The following MYO5A variants were observed in gnomAD, a reference collection of about 807,000 sequenced individuals.
MYO5A encodes unconventional myosin-Va.
In MYO5A, 98 loss-of-function variants were observed where a neutral mutation model predicts 249.7. That is an observed-to-expected ratio of 0.39 (90% CI 0.33 to 0.46). The LOEUF (loss-of-function observed/expected upper bound fraction) is 0.46, where lower values mean the gene tolerates loss of function less well. Ranked by LOEUF, MYO5A falls within the 20% of genes least tolerant of loss-of-function variation. The pLI is 0.98. For synonymous variants in MYO5A, 778 were observed against 810.6 expected (o/e 0.96, Z 0.68); for missense variants, 1,696 against 2,308.8 (o/e 0.73, Z 5.44).
chr15:52,431,250 T>C (rs1457057829), intron 2 of MYO5A, among the ~76,000 whole-genome samples: 1 of 9,876 alleles, frequency 1.0e-4, no homozygotes, highest in Non-Finnish European at 3.3e-4. Flanking sequence ...AAAAAAAGTC[T>C]AGTGCAGTAG....
intron 2 of MYO5A, among the ~76,000 whole-genome samples, chr15:52,429,544 C>A (rs1028899377): frequency 6.6e-6 from 1 of 151,766 alleles, no homozygotes; most frequent in African/African-American, 2.4e-5. Flanking sequence ...CAAAAATTAT[C>A]CAGGCGTGGT....
chr15:52,422,076 G>C (rs1032696587), intron 4 of MYO5A, among the ~76,000 whole-genome samples: 19 of 152,114 alleles, frequency 1.2e-4, no homozygotes, highest in African/African-American at 4.3e-4. Flanking sequence ...GAAAAGACTG[G>C]CAAGAATGTC....
intron 1 of MYO5A, among the ~76,000 whole-genome samples, chr15:52,482,030 A>C (rs1377667108): frequency 2.0e-5 from 3 of 152,196 alleles, no homozygotes; most frequent in African/African-American, 7.2e-5. Flanking sequence ...TGATAACTGG[A>C]GACTCAGGCA....
At chr15:52,339,529 A>C (rs1243969900) in intron 32 of MYO5A, among the ~76,000 whole-genome samples, 3 of 151,994 alleles carry the variant, frequency 2.0e-5, no homozygotes, top group Admixed American at 2.0e-4. Context: ...AAAAGAAAAA[A>C]AAAAAGGAAC....
intron 34 of MYO5A, among the ~76,000 whole-genome samples, chr15:52,332,025 A>G (rs2038910765): frequency 6.6e-6 from 1 of 152,208 alleles, no homozygotes; most frequent in Non-Finnish European, 1.5e-5. Flanking sequence ...TAAACACAAC[A>G]CCACAAGGAC....
At chr15:52,418,210 T>C (rs938252423) in intron 4 of MYO5A, among the ~76,000 whole-genome samples, 45 of 152,196 alleles carry the variant, frequency 3.0e-4, no homozygotes, top group African/African-American at 1.1e-3. Flanking sequence ...TGGCCAGTCC[T>C]TTCAAGGGCC....
chr15:52,384,172 C>A lies in MYO5A; in HGVS notation c.1903G>T (p.Val635Leu). ...CTCCCTGAACTCACCTGATGCCCCACTGTTTTCTTGTGCTCTTTGGCCATT... is the reference window on the plus strand; with the variant it reads ...CTCCCTGAACTCACCTGATGCCCCAATGTTTTCTTGTGCTCTTTGGCCATT... Reference protein sequence around the residue: ...GQMAKEHKKTVGHQFRNSLHL... With the variant: ...GQMAKEHKKTLGHQFRNSLHL... Residue 635 changes from valine to leucine, a missense_variant, in exon 15 of 42, where the codon GTG (valine) becomes TTG (leucine). Transcript: ENST00000399233. 1.2e-6 allele frequency: 2 copies of A among 1,614,176 alleles called. No individual in the cohort carries two copies. Among genetic ancestry groups the A allele is most frequent in the Non-Finnish European group, 1.7e-6 (2 of 1,180,008 alleles).
At chr15:52,501,462 G>T (rs551581299) in intron 1 of MYO5A, among the ~76,000 whole-genome samples, 2 of 152,022 alleles carry the variant, frequency 1.3e-5, no homozygotes, top group Non-Finnish European at 2.9e-5. Context: ...TTAGCTGGGC[G>T]TGGTGGTGTG....
chr15:52,443,079 T>C (rs1367635253), intron 1 of MYO5A, among the ~76,000 whole-genome samples: 1 of 152,034 alleles, frequency 6.6e-6, no homozygotes, highest in Admixed American at 6.6e-5. Context: ...ATGAAGGAAT[T>C]CCCCTCCTCC....
chr15:52,339,734 T>C (rs1286347789), intron 32 of MYO5A, among the ~76,000 whole-genome samples: 1 of 152,218 alleles, frequency 6.6e-6, no homozygotes, highest in Non-Finnish European at 1.5e-5. Flanking sequence ...GGCTTAGTTT[T>C]GCCAACCGCC....
chr15:52,426,901 G>C (rs896507131), intron 3 of MYO5A, among the ~76,000 whole-genome samples: 4 of 151,880 alleles, frequency 2.6e-5, no homozygotes, highest in African/African-American at 9.7e-5. Flanking sequence ...AAAAAATAAT[G>C]CAGGGAAGAA....
chr15:52,330,350 T>C lies in MYO5A; in HGVS notation c.4555+3A>G. 1 of 1,614,088 alleles carries C rather than the reference T, an allele frequency of 6.2e-7. No individual in the cohort carries two copies. Among genetic ancestry groups the C allele is most frequent in the East Asian group, 2.2e-5 (1 of 44,880 alleles). On this transcript the variant is annotated splice_donor_region_variant and intron_variant, in intron 35 of 41. Coordinates refer to ENST00000399233, the MANE Select transcript of MYO5A (RefSeq NM_001382347.1). ...ACTTTTATCCAATGCAGAAAATACT[T>C]GCCCAGAATCAGGTTCTTAACAAGT...
intron 1 of MYO5A, among the ~76,000 whole-genome samples, chr15:52,522,089 G>A (rs920365114): frequency 6.6e-6 from 1 of 151,996 alleles, no homozygotes; most frequent in Non-Finnish European, 1.5e-5. Context: ...CTATTGGTTG[G>A]GCTAAGGTGG....
chr15:52,433,392 T>C, intron 1 of MYO5A, 107 bp from the exon 2 acceptor site: 4 of 494,488 alleles, frequency 8.1e-6, no homozygotes, highest in Non-Finnish European at 7.5e-6. Flanking sequence ...AAAAAAGAAA[T>C]CTTGGCCAAC....
At chr15:52,423,989 T>C (rs866075121) in intron 4 of MYO5A, among the ~76,000 whole-genome samples, 1 of 152,250 alleles carries the variant, frequency 6.6e-6, no homozygotes, top group Non-Finnish European at 1.5e-5. Flanking sequence ...CTGAGCACTA[T>C]ATAATTTTCA....
At chr15:52,320,940 G>A (rs1377706860) in intron 38 of MYO5A, among the ~76,000 whole-genome samples, 5 of 151,846 alleles carry the variant, frequency 3.3e-5, no homozygotes, top group African/African-American at 9.7e-5. Flanking sequence ...GTGAACCCGG[G>A]AGGCAGAGCT....
At chr15:52,449,031 C>T (rs2075959676) in intron 1 of MYO5A, among the ~76,000 whole-genome samples, 2 of 126,314 alleles carry the variant, frequency 1.6e-5, no homozygotes, top group South Asian at 2.8e-4. Flanking sequence ...TGCAATGGCA[C>T]AATCTCGGCT....
intron 31 of MYO5A, among the ~76,000 whole-genome samples, 192 bp from the exon 32 acceptor site, chr15:52,340,586 G>T (rs2039331710): frequency 6.6e-6 from 1 of 152,168 alleles, no homozygotes; most frequent in Non-Finnish European, 1.5e-5. Flanking sequence ...TCTCACATTT[G>T]TGTCTTTCTG....
At chr15:52,363,025 C>A (rs921069645) in intron 24 of MYO5A, among the ~76,000 whole-genome samples, 4 of 152,162 alleles carry the variant, frequency 2.6e-5, no homozygotes, top group African/African-American at 9.7e-5. Context: ...TTTATTTTAC[C>A]TAAGAATTTC....
Sources: gnomAD v4.1 joint callset for allele counts (sites outside exome capture counted in the v4.1 genomes callset) on GRCh38, gnomAD v4.1.1 for gene constraint, MANE v1.5 for transcripts, NCBI Gene and HGNC (gene_info 2026-07-23, HGNC 2026-07-21) for gene names.